The following MCF2 variants were observed in gnomAD, a reference collection of about 807,000 sequenced individuals.
MCF2 encodes the protein proto-oncogene DBL.
In MCF2, 44 loss-of-function variants were observed where a neutral mutation model predicts 82.5. The ratio of observed to expected loss-of-function variants is 0.53; its 90% CI spans 0.42 to 0.69. The LOEUF (loss-of-function observed/expected upper bound fraction) is 0.69. Ranked by LOEUF, MCF2 falls within the 30% of genes least tolerant of loss-of-function variation. The pLI is 0.00. For missense variants in MCF2, 623 were observed against 663.1 expected (o/e 0.94, Z 0.66); for synonymous variants, 217 against 224.9 (o/e 0.96, Z 0.32).
intron 1 of MCF2, among the ~76,000 whole-genome samples, chrX:139,704,265 A>G (rs1202863433): frequency 8.9e-6 from 1 of 112,172 alleles, no homozygotes; most frequent in Non-Finnish European, 1.9e-5. Flanking sequence ...GGCAAGAGAA[A>G]GAAATAAAAA....
chrX:139,632,406 TG>T lies in MCF2; in HGVS notation c.99del (p.Ser34AlafsTer28). The T allele has an allele frequency of 8.3e-7, 1 of 1,204,593 alleles. No individual in the cohort carries two copies. Among genetic ancestry groups the T allele is most frequent in the Non-Finnish European group, 1.1e-6 (1 of 890,049 alleles). On this transcript the variant is annotated frameshift_variant, in exon 2 of 25. Coordinates refer to ENST00000370576, the Ensembl canonical transcript of MCF2. LOFTEE classifies it high-confidence loss of function. ...TCTGTGAACGTTCGTTGAAGAAAGC[TG>T]GTAGGACGTAAAACCAAAACCAAGT...
chrX:139,650,908 C>G (rs1389560699), intron 2 of MCF2, among the ~76,000 whole-genome samples: 2 of 111,740 alleles, frequency 1.8e-5, no homozygotes, highest in Admixed American at 9.5e-5. Context: ...AGACCTTATG[C>G]TAAGTGAAAT....
chrX:139,586,697 T>C (rs201794661), intron 22 of MCF2, among the ~76,000 whole-genome samples: 1 of 111,317 alleles, frequency 9.0e-6, no homozygotes, highest in Non-Finnish European at 1.9e-5. Flanking sequence ...AGGTTCTCTA[T>C]TATGTAAGGA....
intron 16 of MCF2, among the ~76,000 whole-genome samples, chrX:139,600,635 C>T (rs1362489371): frequency 8.9e-6 from 1 of 111,819 alleles, no homozygotes; most frequent in African/African-American, 3.2e-5. Context: ...GGAATCTGAC[C>T]AGCCTAATAG....
intron 13 of MCF2, among the ~76,000 whole-genome samples, chrX:139,605,398 T>C (rs753443359): frequency 1.7e-3 from 186 of 111,602 alleles, no homozygotes; most frequent in African/African-American, 5.3e-3. Flanking sequence ...GAATATTTTA[T>C]CCCATTCTCA....
intron 12 of MCF2, 29 bp downstream of exon 16, chrX:139,607,662 G>A (rs373058161): frequency 2.9e-6 from 3 of 1,030,557 alleles, no homozygotes; most frequent in South Asian, 2.0e-5. Context: ...AGATGTGTAT[G>A]TGAGTTTATA....
intron 1 of MCF2, among the ~76,000 whole-genome samples, chrX:139,654,449 A>G (rs1319651903): frequency 2.7e-5 from 3 of 112,108 alleles, no homozygotes; most frequent in African/African-American, 9.7e-5. Context: ...CTTTTGAGAA[A>G]TGTCTATTCA....
chrX:139,588,425 T>C, exon 21 of MCF2: 1 of 1,191,740 alleles, frequency 8.4e-7, no homozygotes, highest in Non-Finnish European at 1.1e-6. Flanking sequence ...CATCTTCACA[T>C]CTACATTAGA....
intron 1 of MCF2, among the ~76,000 whole-genome samples, chrX:139,691,399 T>C (rs1935259558): frequency 9.0e-6 from 1 of 111,640 alleles, no homozygotes; most frequent in African/African-American, 3.3e-5. Context: ...CTTCAGGGAA[T>C]ATTACAAGGG....
intron 1 of MCF2, among the ~76,000 whole-genome samples, chrX:139,691,367 C>CA (rs1005526018): frequency 2.6e-4 from 29 of 109,642 alleles, no homozygotes; most frequent in Middle Eastern, 4.7e-3. Flanking sequence ...AAAACAAAAA[C>CA]AAAAAAAAAT....
chrX:139,696,774 T>TA (rs1181902870), intron 1 of MCF2, among the ~76,000 whole-genome samples: 2 of 111,561 alleles, frequency 1.8e-5, no homozygotes, highest in Admixed American at 1.9e-4. Flanking sequence ...GCAATAAAAG[T>TA]AAAAATATCC....
chrX:139,682,738 C>CAGG (rs1935030246), intron 1 of MCF2, among the ~76,000 whole-genome samples: 1 of 111,980 alleles, frequency 8.9e-6, no homozygotes, highest in Admixed American at 9.5e-5. Flanking sequence ...TTATCCCACC[C>CAGG]CAGTCCTACA....
intron 1 of MCF2, among the ~76,000 whole-genome samples, chrX:139,669,332 T>C (rs1934614989): frequency 8.9e-6 from 1 of 112,229 alleles, no homozygotes; most frequent in African/African-American, 3.2e-5. Flanking sequence ...ACCACAATGA[T>C]ACCACATCAC....
At chrX:139,626,738 T>C in exon 5 of MCF2, 1 of 1,209,241 alleles carries the variant, frequency 8.3e-7, no homozygotes. Context: ...CCTTCTTTGG[T>C]TACAGCTGTA....
intron 4 of MCF2, among the ~76,000 whole-genome samples, chrX:139,627,361 C>T (rs1932785941): frequency 8.9e-6 from 1 of 112,217 alleles, no homozygotes; most frequent in Non-Finnish European, 1.9e-5. Flanking sequence ...GCCTTTGCTA[C>T]TAATCCTTAA....
chrX:139,594,362 T>C (rs1175110937), intron 19 of MCF2, among the ~76,000 whole-genome samples: 1 of 111,687 alleles, frequency 9.0e-6, no homozygotes, highest in African/African-American at 3.3e-5. Flanking sequence ...AGCATGGTAC[T>C]GGTGCCAAAA....
Position 139,641,170 on chromosome X carries a change from A to ATG in MCF2, c.51+1297_51+1298insCA, listed in dbSNP as rs201132133. 5.3e-3 allele frequency among the ~76,000 whole-genome samples: 538 copies of ATG among 102,243 alleles called. 6 individuals are homozygous for ATG. Among genetic ancestry groups the ATG allele is most frequent in the African/African-American group, 0.016 (461 of 29,391 alleles). 88.8% of individuals were successfully genotyped at this position (102,243 alleles called of 115,157 possible). On this transcript the variant is annotated intron_variant, in intron 1 of 24. Transcript: ENST00000370576. Reference sequence around the variant, plus strand: ...TAAAACTAAGTTCAGCACTGAGAATATATATATATATAAATATATATATAA... The same window carrying ATG: ...TAAAACTAAGTTCAGCACTGAGAATATGTATATATATATAAATATATATATAA...
chrX:139,610,556 C>T (rs1406155174), intron 10 of MCF2, among the ~76,000 whole-genome samples: 1 of 111,937 alleles, frequency 8.9e-6, no homozygotes, highest in Non-Finnish European at 1.9e-5. Context: ...CACCCATTCT[C>T]TCATTCATCA....
intron 1 of MCF2, among the ~76,000 whole-genome samples, chrX:139,639,339 T>C (rs962857244): frequency 8.9e-6 from 1 of 111,840 alleles, no homozygotes; most frequent in African/African-American, 3.3e-5. Context: ...GGAAACAGCA[T>C]TGGTTTTAGG....
Sources: allele counts gnomAD v4.1 joint callset (sites outside exome capture counted in the v4.1 genomes callset), GRCh38; gene constraint gnomAD v4.1.1; transcripts MANE v1.5; gene names NCBI Gene and HGNC (gene_info 2026-07-23, HGNC 2026-07-21).